Variants in PDE1C observed in about 807,000 individuals in gnomAD.
PDE1C encodes dual specificity calcium/calmodulin-dependent 3',5'-cyclic nucleotide phosphodiesterase 1C.
A neutral mutation model predicts 93.1 loss-of-function variants in PDE1C; 62 were observed. The observed-to-expected ratio is 0.67, with a 90% CI of 0.54 to 0.82. PDE1C has a LOEUF of 0.82. Among genes scored for constraint, PDE1C ranks in the 40% least tolerant of loss-of-function variants. PDE1C has a pLI of 0.00. For synonymous variants in PDE1C, 325 were observed against 310.1 expected (o/e 1.05, Z -0.50); for missense variants, 742 against 884.6 (o/e 0.84, Z 2.04).
Position 31,965,492 on chromosome 7 carries a change from T to A in PDE1C, c.129-84632A>T, listed in dbSNP as rs541583205. Among the ~76,000 whole-genome samples, 126 of 152,338 alleles carry A rather than the reference T, an allele frequency of 8.3e-4. 3 individuals are homozygous for A. The East Asian group carries it at 0.022, about 27-fold the overall frequency. On this transcript the variant is annotated intron_variant, in intron 2 of 17. Transcript: ENST00000396191. Reference sequence around the variant, plus strand: ...CAAATCTACATCTGATTGGTGTACCTGAAAGTGACTGGGAGAATGGAACCA... The same window carrying A: ...CAAATCTACATCTGATTGGTGTACCAGAAAGTGACTGGGAGAATGGAACCA...
intron 1 of PDE1C, among the ~76,000 whole-genome samples, chr7:32,285,800 G>C: frequency 6.9e-6 from 1 of 144,260 alleles, no homozygotes; most frequent in Non-Finnish European, 1.5e-5. Flanking sequence ...GAGGGGAAGA[G>C]AGGAGAGGAG....
chr7:31,919,802 G>T (rs1341357163), intron 2 of PDE1C, among the ~76,000 whole-genome samples: 1 of 152,170 alleles, frequency 6.6e-6, no homozygotes, highest in Non-Finnish European at 1.5e-5. Context: ...GCCCTGCAAG[G>T]GTAAGTGTTG....
intron 7 of PDE1C, among the ~76,000 whole-genome samples, chr7:31,860,503 A>C (rs1012751737): frequency 6.6e-6 from 1 of 152,176 alleles, no homozygotes; most frequent in Non-Finnish European, 1.5e-5. Flanking sequence ...TGAATGGTGC[A>C]TCTTTTCATA....
rs1028070455 is a variant in PDE1C, at chr7:31,895,778, G to A, written c.129-14918C>T. On this transcript the variant is annotated intron_variant, in intron 2 of 17. Transcript: ENST00000396191. ...ACAGTGAATAAGTCTCATGAACACC[G>A]ATGATTTTATAAAGAGCAGTTCCCC... Among the ~76,000 whole-genome samples, 20 of 152,030 alleles carry A rather than the reference G, an allele frequency of 1.3e-4. 1 individual carries two copies. Among genetic ancestry groups the A allele is most frequent in the African/African-American group, 3.4e-4 (14 of 41,378 alleles).
intron 2 of PDE1C, among the ~76,000 whole-genome samples, chr7:31,946,852 G>C (rs1806686398): frequency 6.6e-6 from 1 of 152,178 alleles, no homozygotes; most frequent in Admixed American, 6.6e-5. Flanking sequence ...AAGTGTGTGT[G>C]TGATTTTTTT....
At chr7:32,355,267 G>A (rs1784009143) in intron 1 of PDE1C, among the ~76,000 whole-genome samples, 1 of 152,214 alleles carries the variant, frequency 6.6e-6, no homozygotes, top group African/African-American at 2.4e-5. Context: ...GATTCTATGG[G>A]AAGGCAAGAT....
intron 3 of PDE1C, among the ~76,000 whole-genome samples, chr7:32,105,602 G>T (rs1468063010): frequency 6.6e-6 from 1 of 151,966 alleles, no homozygotes; most frequent in Non-Finnish European, 1.5e-5. Context: ...GCAGATAAGC[G>T]TCCAGCTTCC....
intron 1 of PDE1C, among the ~76,000 whole-genome samples, chr7:32,417,941 T>C (rs1178330840): frequency 6.6e-6 from 1 of 152,194 alleles, no homozygotes. Flanking sequence ...CATTAAAATA[T>C]TATAAAATGT....
the PDE1C span, among the ~76,000 whole-genome samples, chr7:31,690,716 G>T: frequency 6.6e-6 from 1 of 152,194 alleles, no homozygotes; most frequent in Non-Finnish European, 1.5e-5. Flanking sequence ...TACCTTTCAA[G>T]GGTCGGGGAG....
chr7:31,794,085 C>G (rs71532997), intron 16 of PDE1C, among the ~76,000 whole-genome samples: 1 of 137,310 alleles, frequency 7.3e-6, no homozygotes, highest in East Asian at 2.1e-4. Context: ...GACAGACAGA[C>G]AGACAGATAG....
At position 32,414,537 on chromosome 7, in the gene PDE1C, C is replaced by T. The variant is rs111873512; in HGVS notation, c.310+13285G>A. Among the ~76,000 whole-genome samples, 353 of 152,222 alleles carry T rather than the reference C, an allele frequency of 2.3e-3. 1 individual carries two copies. The highest frequency in any genetic ancestry group is 8.4e-3 in the African/African-American group (348 of 41,560). On this transcript the variant is annotated intron_variant, in intron 1 of 1. Coordinates refer to the PDE1C transcript ENST00000672256. ...TCCACATTATTTGACATTTTTGCAA[C>T]AAGCATGCTTTTTTAAAAGAGAATG...
chr7:31,755,480 C>T (rs1405862547), intron 17 of PDE1C, among the ~76,000 whole-genome samples: 1 of 152,004 alleles, frequency 6.6e-6, no homozygotes, highest in Non-Finnish European at 1.5e-5. Flanking sequence ...GAAACCAGGG[C>T]TCCTTGCAGA....
At chr7:31,760,536 G>A (rs993290322) in intron 17 of PDE1C, among the ~76,000 whole-genome samples, 5 of 152,104 alleles carry the variant, frequency 3.3e-5, no homozygotes, top group African/African-American at 7.2e-5. Flanking sequence ...CAGTGCAGCA[G>A]TATCTTCAGG....
At chr7:32,263,349 G>A (rs1200110304) in intron 1 of PDE1C, among the ~76,000 whole-genome samples, 1 of 151,916 alleles carries the variant, frequency 6.6e-6, no homozygotes, top group Admixed American at 6.6e-5. Context: ...ATACATGTGC[G>A]GGTGTGTGTG....
intron 1 of PDE1C, among the ~76,000 whole-genome samples, chr7:32,245,451 C>G (rs1808853969): frequency 1.3e-5 from 2 of 152,188 alleles, no homozygotes; most frequent in Admixed American, 1.3e-4. Flanking sequence ...GCTTTGCTCT[C>G]TAATGCCATT....
intron 2 of PDE1C, among the ~76,000 whole-genome samples, chr7:32,196,707 G>A (rs955491140): frequency 3.9e-5 from 6 of 152,158 alleles, no homozygotes; most frequent in Non-Finnish European, 5.9e-5. Context: ...CTCTGGCAGG[G>A]AGGAGAATTG....
intron 17 of PDE1C, among the ~76,000 whole-genome samples, chr7:31,755,634 T>G (rs75173878): frequency 6.6e-6 from 1 of 152,002 alleles, no homozygotes; most frequent in African/African-American, 2.4e-5. Context: ...GAGCCCTGAA[T>G]GAAAGATCTA....
intron 2 of PDE1C, among the ~76,000 whole-genome samples, chr7:31,953,365 G>A (rs545188576): frequency 6.6e-6 from 1 of 152,220 alleles, no homozygotes; most frequent in South Asian, 2.1e-4. Flanking sequence ...AGAGGAGGGA[G>A]GCTTTGGATT....
At chr7:32,422,331 A>G (rs1461875909) in intron 1 of PDE1C, among the ~76,000 whole-genome samples, 2 of 152,112 alleles carry the variant, frequency 1.3e-5, no homozygotes, top group African/African-American at 4.8e-5. Flanking sequence ...TCATTTGTTT[A>G]TAATTTCAAC....
Sources: allele counts gnomAD v4.1 joint callset (sites outside exome capture counted in the v4.1 genomes callset), GRCh38; gene constraint gnomAD v4.1.1; transcripts MANE v1.5; gene names NCBI Gene and HGNC (gene_info 2026-07-23, HGNC 2026-07-21).